Variants in ARHGEF18 observed in about 807,000 individuals in gnomAD.
ARHGEF18 encodes Rho/Rac guanine nucleotide exchange factor 18.
A neutral mutation model predicts 155.7 loss-of-function variants in ARHGEF18; 93 were observed. The ratio of observed to expected loss-of-function variants is 0.60; its 90% CI spans 0.50 to 0.71. The LOEUF is 0.71. Among genes scored for constraint, ARHGEF18 ranks in the 30% least tolerant of loss-of-function variants. The pLI is 0.00. For missense variants in ARHGEF18, 1,593 were observed against 1,816.1 expected (o/e 0.88, Z 2.23); for synonymous variants, 742 against 753.1 (o/e 0.99, Z 0.24).
chr19:7,418,115 C>T (rs774082035), intron 10 of ARHGEF18, among the ~76,000 whole-genome samples: 2 of 152,156 alleles, frequency 1.3e-5, no homozygotes, highest in Non-Finnish European at 2.9e-5. Flanking sequence ...TGAATCATTC[C>T]AGCAGCTACG....
chr19:7,429,565 T>C (rs1265769742), intron 10 of ARHGEF18, among the ~76,000 whole-genome samples: 1 of 152,176 alleles, frequency 6.6e-6, no homozygotes, highest in Non-Finnish European at 1.5e-5. Flanking sequence ...ATCACACCAC[T>C]GCACTCCAGC....
Position 7,369,531 on chromosome 19 carries a change from G to A in ARHGEF18, c.16-3281G>A, listed in dbSNP as rs1291443768. ...AACCTAAAATTGGCTGGGCACGGTG[G>A]CTCATGCCCGTAATCCCAGCCCTTT... On this transcript the variant is annotated intron_variant, in intron 2 of 28. Transcript: ENST00000668164. Among the ~76,000 whole-genome samples, 3 of 151,868 alleles carry A rather than the reference G, an allele frequency of 2.0e-5. No homozygotes were observed. The East Asian group carries it at 5.9e-4, about 30-fold the overall frequency.
At chr19:7,369,819 A>C (rs979559047) in intron 2 of ARHGEF18, among the ~76,000 whole-genome samples, 19 of 151,894 alleles carry the variant, frequency 1.3e-4, no homozygotes, top group African/African-American at 3.4e-4. Flanking sequence ...AGAAAGAAAG[A>C]AAGAAAGTTA....
In ARHGEF18 at chr19:7,375,767, G is replaced by C. The variant is rs900067126; in HGVS notation, c.323G>C (p.Arg108Pro). Residue 108 changes from arginine to proline, a missense_variant, in exon 4 of 29, where the codon CGA becomes CCA. Arg to Pro is a moderately radical substitution (Grantham distance 103). Transcript: ENST00000668164. ...SAVDEEPCLP[R>P]TLASLALNLP... Reference sequence around the variant, plus strand: ...GTGGATGAGGAACCCTGTCTCCCCCGAACACTGGCCAGCCTTGCTTTGAAC... The same window carrying C: ...GTGGATGAGGAACCCTGTCTCCCCCCAACACTGGCCAGCCTTGCTTTGAAC... 3.2e-6 allele frequency: 4 copies of C among 1,234,380 alleles called. No individual in the cohort carries two copies. Among genetic ancestry groups the C allele is most frequent in the Non-Finnish European group, 4.0e-6 (4 of 988,296 alleles). The allele number at this position is 1,234,380 out of a possible 1,614,324, so 76.5% of individuals were successfully genotyped here.
chr19:7,438,503 C>T (rs1193570789), intron 10 of ARHGEF18, among the ~76,000 whole-genome samples: 9 of 151,926 alleles, frequency 5.9e-5, no homozygotes, highest in South Asian at 4.2e-4. Context: ...CCTCCACCTC[C>T]GGGGTTCAAA....
chr19:7,474,487 T>C (rs1599196901), downstream of ARHGEF18, among the ~76,000 whole-genome samples: 1 of 152,206 alleles, frequency 6.6e-6, no homozygotes, highest in African/African-American at 2.4e-5. Flanking sequence ...CAAGTAATTA[T>C]CCTGCCTCAG....
intron 10 of ARHGEF18, among the ~76,000 whole-genome samples, chr19:7,415,432 A>T (rs955561228): frequency 1.3e-5 from 2 of 150,924 alleles, no homozygotes; most frequent in Non-Finnish European, 3.0e-5. Context: ...GTCCACCAGC[A>T]ACCCCTTCCA....
chr19:7,388,631 G>A (rs1971212666), intron 10 of ARHGEF18, among the ~76,000 whole-genome samples: 1 of 151,948 alleles, frequency 6.6e-6, no homozygotes. Flanking sequence ...CCAGGCTGGA[G>A]AGCAGTTGGC....
intron 10 of ARHGEF18, among the ~76,000 whole-genome samples, chr19:7,433,188 C>T (rs573980140): frequency 5.3e-5 from 8 of 151,300 alleles, no homozygotes; most frequent in African/African-American, 1.7e-4. Flanking sequence ...GAAGGCAGGC[C>T]GGGCACGGTG....
chr19:7,470,664 C>G lies in ARHGEF18; in HGVS notation c.*366C>G. On this transcript the variant is annotated 3_prime_UTR_variant, in exon 29 of 29. Coordinates refer to ENST00000668164, the MANE Select transcript of ARHGEF18 (RefSeq NM_001367823.1). The surrounding 1 kb of genome is among the most constrained non-coding windows in gnomAD (Gnocchi z 5.9). ...CCGAGGCAGTGAGGAACGGTGCCGG[C>G]TCTGCACGGAGCTGAGGACAGGACA... The G allele has an allele frequency of 2.5e-6, 1 of 398,848 alleles. No individual in the cohort carries two copies. Among genetic ancestry groups the G allele is most frequent in the Non-Finnish European group, 4.4e-6 (1 of 225,756 alleles). The allele number at this position is 398,848 out of a possible 1,614,324, so 24.7% of individuals were successfully genotyped here.
chr19:7,457,323 A>G (rs969811555), intron 18 of ARHGEF18, among the ~76,000 whole-genome samples: 1 of 138,754 alleles, frequency 7.2e-6, no homozygotes, highest in Non-Finnish European at 1.5e-5. Context: ...GGGCCCGCCC[A>G]TATGATCTCA....
At chr19:7,476,919 A>G, downstream of ARHGEF18, 1 of 388,782 alleles carries the variant, frequency 2.6e-6, no homozygotes. Context: ...AGCTTTCTCA[A>G]GGCACGACAG....
At chr19:7,456,800 C>T (rs536123682) in intron 18 of ARHGEF18, among the ~76,000 whole-genome samples, 116 of 152,296 alleles carry the variant, frequency 7.6e-4, no homozygotes, top group South Asian at 1.5e-3. Flanking sequence ...TTGCTGTGAC[C>T]TTGTTGGGAG....
At chr19:7,460,062 C>T in intron 20 of ARHGEF18, 68 bp downstream of exon 20, 1 of 1,455,710 alleles carries the variant, frequency 6.9e-7, no homozygotes, top group Non-Finnish European at 9.4e-7. Flanking sequence ...TCAGGACTGG[C>T]CACAGAGGGT....
chr19:7,399,487 CTTT>C (rs59714990), intron 10 of ARHGEF18, among the ~76,000 whole-genome samples: 1 of 144,248 alleles, frequency 6.9e-6, no homozygotes, highest in Non-Finnish European at 1.5e-5. Context: ...TTTTTTCCTT[CTTT>C]TTTTTTTTTG....
chr19:7,450,350 AT>A (rs1975300519), intron 15 of ARHGEF18, among the ~76,000 whole-genome samples: 2 of 152,270 alleles, frequency 1.3e-5, no homozygotes, highest in African/African-American at 4.8e-5. Context: ...CAAGATGTTA[AT>A]GCGGGATCTT....
At chr19:7,389,317 ATTTTTTTTT>A (rs1203819709) in intron 10 of ARHGEF18, among the ~76,000 whole-genome samples, 2 of 112,994 alleles carry the variant, frequency 1.8e-5, no homozygotes, top group East Asian at 2.7e-4. Context: ...TACCAGGATA[ATTTTTTTTT>A]TTTTTTTTTT....
At chr19:7,417,731 G>A (rs2145656647) in intron 10 of ARHGEF18, among the ~76,000 whole-genome samples, 1 of 152,230 alleles carries the variant, frequency 6.6e-6, no homozygotes, top group South Asian at 2.1e-4. Context: ...ATGGGGACAG[G>A]CAGAAGGAGC....
intron 15 of ARHGEF18, among the ~76,000 whole-genome samples, chr19:7,448,833 C>T (rs181765749): frequency 6.6e-4 from 100 of 152,194 alleles, no homozygotes; most frequent in Non-Finnish European, 5.9e-4. Flanking sequence ...CCACCTCCCA[C>T]GTCCTAGAAA....
Sources: allele counts gnomAD v4.1 joint callset (sites outside exome capture counted in the v4.1 genomes callset), GRCh38; gene constraint gnomAD v4.1.1; non-coding constraint Gnocchi (gnomAD v3.1); transcripts MANE v1.5; gene names NCBI Gene and HGNC (gene_info 2026-07-23, HGNC 2026-07-21).